The following RNF44 variants were observed in gnomAD, a reference collection of about 807,000 sequenced individuals.
The protein encoded by RNF44 is ring finger protein 44.
RNF44 carries 25 observed loss-of-function variants against 53.6 expected under a neutral mutation model. The ratio of observed to expected loss-of-function variants is 0.47; its 90% CI spans 0.34 to 0.65. The LOEUF (loss-of-function observed/expected upper bound fraction) is 0.65. Ranked by LOEUF, RNF44 falls within the 30% of genes least tolerant of loss-of-function variation. The probability of loss-of-function intolerance (pLI) is 0.01; values close to 1 mark genes in which losing one functional copy is unlikely to be tolerated. For missense variants in RNF44, 581 were observed against 595.5 expected (o/e 0.98, Z 0.25); for synonymous variants, 282 against 252.2 (o/e 1.12, Z -1.12).
At position 176,531,546 on chromosome 5, in the gene RNF44, G is replaced by A. The variant is rs1018028307; in HGVS notation, c.382C>T (p.Pro128Ser). 1.2e-6 allele frequency: 2 copies of A among 1,612,398 alleles called. No homozygotes were observed. The highest frequency in any genetic ancestry group is 1.7e-6 in the Non-Finnish European group (2 of 1,179,432). ...GGGAGCTGCTGGGCACTGCAGCCAG[G>A]GATGTGCTGGCCTGTAGGCAAGGGG... is the stretch of plus-strand genomic sequence containing the variant. ...GFPLPTGQHI[P>S]GCSAQQLPAC... Residue 128 changes from proline (P) to serine (S), a missense_variant, in exon 4 of 11, where the codon CCT becomes TCT. Pro to Ser is a moderately conservative substitution (Grantham distance 74). This residue lies in a region of RNF44 where 387 missense variants were observed against 366.0 expected (regional missense o/e 1.06). Coordinates refer to ENST00000274811, the MANE Select transcript of RNF44 (RefSeq NM_014901.5). The surrounding 1 kb of genome is among the most constrained non-coding windows in gnomAD (Gnocchi z 4.2).
upstream of RNF44, chr5:176,537,831 T>C (rs1413202151): frequency 2.6e-5 from 4 of 152,250 alleles, no homozygotes; most frequent in African/African-American, 9.6e-5. Context: ...GTGGTTATGC[T>C]GGCTCTAACA....
chr5:176,530,591 G>A lies in RNF44; in HGVS notation c.792C>T (p.Ser264=), dbSNP rs1329320101. The A allele has an allele frequency of 1.4e-6, 2 of 1,475,686 alleles. No individual in the cohort carries two copies. The highest frequency in any genetic ancestry group is 2.7e-5 in the Admixed American group (1 of 37,010). The allele number at this position is 1,475,686 out of a possible 1,614,324, so 91.4% of individuals were successfully genotyped here. A position where few individuals can be genotyped will look rare whatever the true frequency, so the allele number is the denominator to read the frequency against. ...TCGGGGTGGCACTCACCACACCAAA[G>A]GACAGCTCCTGGTGCAGCGGATCGT... The part of the protein sequence containing the change: ...LPHDPLHQEL[S]FGVPYSHMMP... The change falls in exon 6 of 11, where the codon TCC becomes TCT. Residue 264 remains serine (S), a synonymous_variant. Coordinates refer to ENST00000274811, the MANE Select transcript of RNF44 (RefSeq NM_014901.5).
rs935222754 is a variant in RNF44 at position 176,531,397 on chromosome 5, G to A, written c.465+66C>T. On this transcript the variant is annotated intron_variant, in intron 4 of 10. Transcript: ENST00000274811. The surrounding 1 kb of genome is among the most constrained non-coding windows in gnomAD (Gnocchi z 4.2). ...CCCAGTTCAGGGCTGCCCTGGGCCCGCTGAGCCGCTGGCCTGTGCCTGGGG... is the reference window on the plus strand; with the variant it reads ...CCCAGTTCAGGGCTGCCCTGGGCCCACTGAGCCGCTGGCCTGTGCCTGGGG... 4.1e-5 allele frequency: 60 copies of A among 1,478,652 alleles called. No homozygotes were observed. The highest frequency in any genetic ancestry group is 4.6e-4 in the Middle Eastern group (2 of 4,366). The allele number at this position is 1,478,652 out of a possible 1,614,324, so 91.6% of individuals were successfully genotyped here.
At chr5:176,541,432 T>A (rs1290236419), upstream of RNF44, among the ~76,000 whole-genome samples, 3 of 152,132 alleles carry the variant, frequency 2.0e-5, no homozygotes, top group African/African-American at 7.2e-5. Context: ...CCGTGGTTGC[T>A]GAACAACCAA....
upstream of RNF44, chr5:176,542,899 G>T (rs1757484980): frequency 6.6e-6 from 1 of 152,144 alleles, no homozygotes; most frequent in Non-Finnish European, 1.5e-5. Context: ...GACGGACATG[G>T]CGAGGCCAAA....
At chr5:176,530,026 G>A (rs1756411023) in intron 7 of RNF44, 56 bp downstream of exon 7, 2 of 1,433,482 alleles carry the variant, frequency 1.4e-6, no homozygotes, top group African/African-American at 1.4e-5. Flanking sequence ...TCTAACCACT[G>A]GAGGTTCCAG....
Position 176,530,930 on chromosome 5 carries a change from G to A in RNF44, c.557C>T (p.Pro186Leu). The A allele has an allele frequency of 7.0e-7, 1 of 1,427,646 alleles. No homozygotes were observed. The highest frequency in any genetic ancestry group is 9.2e-7 in the Non-Finnish European group (1 of 1,081,356). The allele number at this position is 1,427,646 out of a possible 1,614,324, so 88.4% of individuals were successfully genotyped here. A position where few individuals can be genotyped will look rare whatever the true frequency, so the allele number is the denominator to read the frequency against. ...GGGCTGGGGGGGTGGGGCCGGTGGT[G>A]GGGGGTGCAGGATGTAGTGGTCACT... Reference protein sequence around the residue: ...ISSDHYILHPPPPAPPPQPTH... With the variant: ...ISSDHYILHPLPPAPPPQPTH... Residue 186 changes from proline to leucine, a missense_variant, in exon 5 of 11, where the codon CCA becomes CTA. This residue lies in a region of RNF44 where 387 missense variants were observed against 366.0 expected (regional missense o/e 1.06). Transcript: ENST00000274811.
chr5:176,534,793 CAG>C (rs1757009754), intron 1 of RNF44, among the ~76,000 whole-genome samples: 1 of 152,230 alleles, frequency 6.6e-6, no homozygotes, highest in South Asian at 2.1e-4. Flanking sequence ...CACCAAGGCT[CAG>C]AGAGGTGAGG....
At chr5:176,540,054 C>T (rs1056605489), upstream of RNF44, among the ~76,000 whole-genome samples, 2 of 152,220 alleles carry the variant, frequency 1.3e-5, no homozygotes, top group Non-Finnish European at 2.9e-5. Flanking sequence ...CTTGTGACAT[C>T]TCCAGCTGTG....
At chr5:176,543,227 G>A in the RNF44 span, among the ~76,000 whole-genome samples, 7 of 147,282 alleles carry the variant, frequency 4.8e-5, no homozygotes, top group Non-Finnish European at 1.5e-5. This position sits in a 1 kb window ranked among gnomAD's most constrained non-coding sequence, Gnocchi z 4.0. Context: ...CCTGCGCCCG[G>A]GGCGCTCGGC....
rs1324655235 is a variant in RNF44 at position 176,526,928 on chromosome 5, G to GA, written c.*2099dup. 3.9e-5 allele frequency: 6 copies of GA among 152,404 alleles called. No homozygotes were observed. In the East Asian group the frequency reaches 5.8e-4, roughly 15 times the overall value. The allele number at this position is 152,404 out of a possible 1,614,324, so 9.4% of individuals were successfully genotyped here. A position where few individuals can be genotyped will look rare whatever the true frequency, so the allele number is the denominator to read the frequency against. The stretch of plus-strand genomic sequence containing the variant: ...AAACCAATGTGAATCCCATGGAATG[G>GA]AAAAAACCACACATTTAAGCTTTAA... On this transcript the variant is annotated 3_prime_UTR_variant, in exon 11 of 11. Transcript: ENST00000274811.
chr5:176,531,787 G>GC lies in RNF44; in HGVS notation c.298-158dup. Reference sequence around the variant, plus strand: ...GACCAGACTGTGCCTCTACTCCCAGGCCCCCGGGGCAGAGAAAGCCCCGTG... The same window carrying GC: ...GACCAGACTGTGCCTCTACTCCCAGGCCCCCCGGGGCAGAGAAAGCCCCGTG... On this transcript the variant is annotated intron_variant, in intron 3 of 10. Transcript: ENST00000274811. The surrounding 1 kb of genome is among the most constrained non-coding windows in gnomAD (Gnocchi z 4.2). 2.3e-6 allele frequency: 2 copies of GC among 884,208 alleles called. No individual in the cohort carries two copies. The highest frequency in any genetic ancestry group is 3.4e-6 in the Non-Finnish European group (2 of 593,418). The allele number at this position is 884,208 out of a possible 1,614,324, so 54.8% of individuals were successfully genotyped here.
In RNF44 at chr5:176,528,463, G is replaced by A. The variant is rs1372019340; in HGVS notation, c.*565C>T. 1 of 152,982 alleles carries A rather than the reference G, an allele frequency of 6.5e-6. No individual in the cohort carries two copies. The highest frequency in any genetic ancestry group is 1.5e-5 in the Non-Finnish European group (1 of 68,634). 9.5% of individuals were successfully genotyped at this position (152,982 alleles called of 1,614,324 possible). A position where few individuals can be genotyped will look rare whatever the true frequency, so the allele number is the denominator to read the frequency against. ...TTGTTCCTGGGATGAGGGTCCCCTA[G>A]GGAACCAGACTCAGCCCTCACAGCA... On this transcript the variant is annotated 3_prime_UTR_variant, in exon 11 of 11. Coordinates refer to ENST00000274811, the MANE Select transcript of RNF44 (RefSeq NM_014901.5).
chr5:176,540,901 A>G (rs565450932), upstream of RNF44, among the ~76,000 whole-genome samples: 1 of 152,212 alleles, frequency 6.6e-6, no homozygotes, highest in Non-Finnish European at 1.5e-5. Context: ...AGTTTTTCAA[A>G]TGAAGCCAGA....
In RNF44 at chr5:176,531,433, G is replaced by A; in HGVS notation, c.465+30C>T. The A allele has an allele frequency of 6.5e-7, 1 of 1,539,128 alleles. No homozygotes were observed. The highest frequency in any genetic ancestry group is 8.8e-7 in the Non-Finnish European group (1 of 1,142,106). On this transcript the variant is annotated intron_variant, in intron 4 of 10. Coordinates refer to ENST00000274811, the MANE Select transcript of RNF44 (RefSeq NM_014901.5). The surrounding 1 kb of genome is among the most constrained non-coding windows in gnomAD (Gnocchi z 4.2). ...GGCCTGTGCCTGGGGCTTGCAGCTG[G>A]TGGAGGAGGAGCTAGAAACACTCAC...
At chr5:176,532,871 C>T (rs886102670) in intron 1 of RNF44, among the ~76,000 whole-genome samples, 4 of 152,096 alleles carry the variant, frequency 2.6e-5, no homozygotes, top group South Asian at 2.1e-4. Context: ...GGTGTTCAGC[C>T]GTGCCCCTCC....
At position 176,537,178 on chromosome 5, in the gene RNF44, C is replaced by T. The variant is rs1340749160; in HGVS notation, c.-283G>A. The T allele has an allele frequency of 1.3e-5, 2 of 152,386 alleles. No homozygotes were observed. Among genetic ancestry groups the T allele is most frequent in the Non-Finnish European group, 2.9e-5 (2 of 68,150 alleles). The allele number at this position is 152,386 out of a possible 1,614,324, so 9.4% of individuals were successfully genotyped here. On this transcript the variant is annotated 5_prime_UTR_variant, in exon 1 of 11. Transcript: ENST00000274811. ...CGCGAGGCCCACGCGCGATCAGTCT[C>T]TCTCGGCCCAGGCCCTCAGGGAGCG...
chr5:176,530,384 G>GGGGGTCAGCCCAGCA (rs1756502862), intron 6 of RNF44, among the ~76,000 whole-genome samples, 178 bp from the exon 7 acceptor site: 11 of 89,190 alleles, frequency 1.2e-4, no homozygotes, highest in Non-Finnish European at 1.7e-4. Flanking sequence ...TCAGCCCGGT[G>GGGGGTCAGCCCAGCA]GGCCTGCCTC....
At chr5:176,538,085 C>G (rs1041724578), upstream of RNF44, 1 of 152,188 alleles carries the variant, frequency 6.6e-6, no homozygotes, top group African/African-American at 2.4e-5. Flanking sequence ...AACCGCCACG[C>G]CCCCAGCGTG....
Sources: allele counts gnomAD v4.1 joint callset (sites outside exome capture counted in the v4.1 genomes callset), GRCh38; gene constraint gnomAD v4.1.1; regional missense constraint gnomAD v4.1.1; non-coding constraint Gnocchi (gnomAD v3.1); transcripts MANE v1.5; gene names NCBI Gene and HGNC (gene_info 2026-07-23, HGNC 2026-07-21).